ARPC1B: variants seen among roughly 807,000 people sequenced by gnomAD.
ARPC1B encodes the protein actin-related protein 2/3 complex subunit 1B.
Under a neutral mutation model 46.0 loss-of-function variants are expected in ARPC1B, and 29 were observed. The observed-to-expected ratio is 0.63, with a 90% confidence interval of 0.47 to 0.86. The LOEUF is 0.86. ARPC1B is among the 40% of genes least tolerant of loss of function. The pLI, the probability that ARPC1B is intolerant of heterozygous loss-of-function variation, is 0.00. For missense variants in ARPC1B, 469 were observed against 529.4 expected (o/e 0.89, Z 1.12); for synonymous variants, 201 against 213.9 (o/e 0.94, Z 0.53).
chr7:99,393,762 T>TG lies in ARPC1B; in HGVS notation c.990-266dup, dbSNP rs533957359. 6.8e-4 allele frequency among the ~76,000 whole-genome samples: 103 copies of TG among 152,298 alleles called. 5 individuals carry two copies. The highest frequency in any genetic ancestry group is 3.7e-3 in the South Asian group (18 of 4,830). Reference sequence around the variant, plus strand: ...CCCACCCCCATCTCCTTTTTTGTCCTGTCCAGCTGCACTGCTGGCACTGTG... The same window carrying TG: ...CCCACCCCCATCTCCTTTTTTGTCCTGGTCCAGCTGCACTGCTGGCACTGTG... On this transcript the variant is annotated intron_variant, in intron 8 of 9. Coordinates refer to ENST00000646101, the MANE Select transcript of ARPC1B (RefSeq NM_005720.4).
At chr7:99,393,279 G>T (rs188560684) in intron 8 of ARPC1B, among the ~76,000 whole-genome samples, 1 of 152,222 alleles carries the variant, frequency 6.6e-6, no homozygotes, top group Non-Finnish European at 1.5e-5. Context: ...GACACGGTGC[G>T]ACCGACATAA....
At position 99,394,816 on chromosome 7, in the gene ARPC1B, G is replaced by C. The variant is rs553079994; in HGVS notation, c.*327G>C. The stretch of plus-strand genomic sequence containing the variant: ...AAAAAAAAAAAGTAATTATGGACAT[G>C]CTTGCCTATGTGGAAGGAGAGGTTT... On this transcript the variant is annotated 3_prime_UTR_variant, in exon 10 of 10. Transcript: ENST00000646101. The C allele has an allele frequency of 9.7e-6, 12 of 1,231,996 alleles. No individual in the cohort carries two copies. Among genetic ancestry groups the C allele is most frequent in the African/African-American group, 1.6e-5 (1 of 62,040 alleles). 76.3% of individuals were successfully genotyped at this position (1,231,996 alleles called of 1,614,324 possible). A position where few individuals can be genotyped will look rare whatever the true frequency, so the allele number is the denominator to read the frequency against.
At chr7:99,389,778 A>C (rs1469355515) in intron 4 of ARPC1B, 127 bp from the exon 5 acceptor site, 1 of 797,660 alleles carries the variant, frequency 1.3e-6, no homozygotes, top group Non-Finnish European at 2.1e-6. Flanking sequence ...GGCAATGCCC[A>C]GTCGCCTCTC....
chr7:99,392,598 A>C, intron 7 of ARPC1B, 73 bp from the exon 8 acceptor site: 1 of 1,354,378 alleles, frequency 7.4e-7, no homozygotes, highest in South Asian at 1.6e-5. Context: ...GGGCGGCCAG[A>C]CGCCCGCCTG....
intron 9 of ARPC1B, 118 bp downstream of exon 9, chr7:99,394,237 G>A: frequency 8.0e-7 from 1 of 1,248,776 alleles, no homozygotes; most frequent in Non-Finnish European, 1.1e-6. Flanking sequence ...ACTGCATGGG[G>A]ATGAGGGGTG....
chr7:99,382,697 C>T (rs1794264166), intron 1 of ARPC1B, among the ~76,000 whole-genome samples: 1 of 152,074 alleles, frequency 6.6e-6, no homozygotes, highest in South Asian at 2.1e-4. Flanking sequence ...TTGTCTTGAA[C>T]TTCTGGCCTG....
intron 7 of ARPC1B, among the ~76,000 whole-genome samples, chr7:99,391,752 CAAAA>C (rs36070836): frequency 8.6e-6 from 1 of 115,652 alleles, no homozygotes. Flanking sequence ...AAACCTGTCT[CAAAA>C]AAAAAAAAAA....
At position 99,394,021 on chromosome 7, in the gene ARPC1B, C is replaced by T; in HGVS notation, c.990-8C>T. 6.2e-7 allele frequency: 1 copy of T among 1,612,398 alleles called. No homozygotes were observed. ...GTTGAATTCATAAGCTCCTCTTCCTCTTTGCAGCCAGATCTCGGTGCTCAG... is the reference window on the plus strand; with the variant it reads ...GTTGAATTCATAAGCTCCTCTTCCTTTTTGCAGCCAGATCTCGGTGCTCAG... On this transcript the variant is annotated splice_region_variant and splice_polypyrimidine_tract_variant and intron_variant, in intron 8 of 9. Transcript: ENST00000646101.
chr7:99,389,957 G>GAC lies in ARPC1B; in HGVS notation c.446_447dup (p.Trp150ThrfsTer46). On this transcript the variant is annotated frameshift_variant, in exon 5 of 10. Transcript: ENST00000646101. LOFTEE classifies it high-confidence loss of function. ...CATCCGCTCCACCGTCCTCAGCCTG[G>GAC]ACTGGCACCCCAACAATGTGCTGCT... 2 of 1,614,156 alleles carry GAC rather than the reference G, an allele frequency of 1.2e-6. No individual in the cohort carries two copies. Among genetic ancestry groups the GAC allele is most frequent in the Non-Finnish European group, 1.7e-6 (2 of 1,180,028 alleles).
rs911018402 is a variant in ARPC1B, at chr7:99,374,762, C to T, written c.-33C>T. The T allele has an allele frequency of 1.3e-5, 2 of 152,050 alleles. No individual in the cohort carries two copies. The highest frequency in any genetic ancestry group is 2.9e-5 in the Non-Finnish European group (2 of 68,006). The allele number at this position is 152,050 out of a possible 1,614,324, so 9.4% of individuals were successfully genotyped here. Reference sequence around the variant, plus strand: ...GTTCGGCGCGTCGACTGCCCAGAGTCCGCGGCCGGGGCGCGGGAGGTGAGG... The same window carrying T: ...GTTCGGCGCGTCGACTGCCCAGAGTTCGCGGCCGGGGCGCGGGAGGTGAGG... On this transcript the variant is annotated 5_prime_UTR_variant, in exon 1 of 10. Coordinates refer to ENST00000646101, the MANE Select transcript of ARPC1B (RefSeq NM_005720.4). The surrounding 1 kb of genome is among the most constrained non-coding windows in gnomAD (Gnocchi z 5.0).
chr7:99,385,812 T>C (rs773818575), intron 2 of ARPC1B, 34 bp downstream of exon 2: 1 of 1,587,272 alleles, frequency 6.3e-7, no homozygotes, highest in Non-Finnish European at 8.6e-7. Context: ...GGGTGGCTGC[T>C]TCCACCTCCT....
intron 5 of ARPC1B, 107 bp from the exon 6 acceptor site, chr7:99,390,786 C>A (rs929615984): frequency 1.0e-6 from 1 of 977,940 alleles, no homozygotes; most frequent in Non-Finnish European, 1.5e-6. Context: ...CAGCCTTGAC[C>A]TCCTGGGTTC....
chr7:99,389,816 G>A (rs1794509464), intron 4 of ARPC1B, 89 bp from the exon 5 acceptor site: 1 of 1,087,612 alleles, frequency 9.2e-7, no homozygotes, highest in Non-Finnish European at 1.4e-6. Flanking sequence ...GCTGCAGGGA[G>A]CAGTGGGAGC....
chr7:99,392,509 C>T (rs1205371699), intron 7 of ARPC1B, among the ~76,000 whole-genome samples, 162 bp from the exon 8 acceptor site: 4 of 152,218 alleles, frequency 2.6e-5, no homozygotes, highest in Non-Finnish European at 5.9e-5. Flanking sequence ...CCCAGCATCA[C>T]CCCCGGTTTT....
intron 1 of ARPC1B, among the ~76,000 whole-genome samples, chr7:99,378,086 G>A (rs1353978881): frequency 1.3e-5 from 2 of 151,966 alleles, no homozygotes; most frequent in Admixed American, 1.3e-4. Flanking sequence ...TTTAGATGAG[G>A]TTTCACTCTG....
intron 1 of ARPC1B, among the ~76,000 whole-genome samples, chr7:99,381,011 C>G (rs1794200824): frequency 6.6e-6 from 1 of 151,986 alleles, no homozygotes; most frequent in African/African-American, 2.4e-5. Context: ...AGTCACAGGC[C>G]TTGAGCTTCT....
Position 99,388,088 on chromosome 7 carries a change from C to A in ARPC1B, c.219C>A (p.Asp73Glu), listed in dbSNP as rs377494694. The A allele has an allele frequency of 6.2e-7, 1 of 1,613,900 alleles. No homozygotes were observed. Residue 73 changes from aspartate (D) to glutamate (E), a missense_variant, in exon 4 of 10, where the codon GAC becomes GAA. Coordinates refer to ENST00000646101, the MANE Select transcript of ARPC1B (RefSeq NM_005720.4). The stretch of plus-strand genomic sequence containing the variant: ...ACCGTATTGTGACCTGCGGCACAGA[C>A]CGCAACGCCTACGTGTGGACGCTGA... Reference protein sequence around the residue: ...ESNRIVTCGTDRNAYVWTLKG... With the variant: ...ESNRIVTCGTERNAYVWTLKG...
At chr7:99,388,318 T>C in intron 4 of ARPC1B, 57 bp downstream of exon 4, 3 of 1,558,044 alleles carry the variant, frequency 1.9e-6, no homozygotes, top group Non-Finnish European at 2.6e-6. Flanking sequence ...AGGACTAGAG[T>C]GTCCCCGGGA....
chr7:99,383,869 G>T (rs1253074714), intron 1 of ARPC1B, among the ~76,000 whole-genome samples: 2 of 152,168 alleles, frequency 1.3e-5, no homozygotes, highest in South Asian at 4.1e-4. Flanking sequence ...CCGCCTCGTG[G>T]TTCCTCCTCA....
Sources: gnomAD v4.1 joint callset for allele counts (sites outside exome capture counted in the v4.1 genomes callset) on GRCh38, gnomAD v4.1.1 for gene constraint, Gnocchi (gnomAD v3.1) non-coding constraint, MANE v1.5 for transcripts, NCBI Gene and HGNC (gene_info 2026-07-23, HGNC 2026-07-21) for gene names.